Variants in MAGI1 observed in about 807,000 individuals in gnomAD.
MAGI1 encodes membrane associated guanylate kinase, WW and PDZ domain containing 1.
Under a neutral mutation model 139.9 loss-of-function variants are expected in MAGI1, and 58 were observed. The observed-to-expected ratio is 0.41, with a 90% CI of 0.34 to 0.52. MAGI1 has a LOEUF of 0.52. Among genes scored for constraint, MAGI1 ranks in the 20% least tolerant of loss-of-function variants. MAGI1 has a pLI of 0.12. For synonymous variants in MAGI1, 812 were observed against 737.9 expected, an observed-to-expected ratio of 1.10 and a Z score of -1.63; for missense variants, 1,874 against 1,901.6, an observed-to-expected ratio of 0.99 and a Z score of 0.27.
chr3:65,878,123 A>C (rs1400207031), intron 1 of MAGI1, among the ~76,000 whole-genome samples: 6 of 151,356 alleles, frequency 4.0e-5, no homozygotes, highest in African/African-American at 1.5e-4. Flanking sequence ...AAAAAAAAGG[A>C]AAAAAAACAC....
At chr3:65,910,675 CCCAA>C (rs2061622615) in intron 1 of MAGI1, among the ~76,000 whole-genome samples, 1 of 151,840 alleles carries the variant, frequency 6.6e-6, no homozygotes, top group Non-Finnish European at 1.5e-5. Context: ...AACGAGTGCC[CCCAA>C]CCTCCATCAA....
chr3:65,498,790 C>A (rs1211087425), intron 2 of MAGI1, among the ~76,000 whole-genome samples: 2 of 152,132 alleles, frequency 1.3e-5, no homozygotes, highest in Non-Finnish European at 2.9e-5. Flanking sequence ...CCCCTAGCCA[C>A]ATGTAGCTAT....
chr3:65,727,263 A>G (rs1183881438), intron 1 of MAGI1, among the ~76,000 whole-genome samples: 1 of 152,252 alleles, frequency 6.6e-6, no homozygotes, highest in African/African-American at 2.4e-5. Context: ...GAATTTTACC[A>G]GAGTTAGGAA....
chr3:65,545,257 G>A (rs986041949), intron 2 of MAGI1, among the ~76,000 whole-genome samples: 1 of 152,122 alleles, frequency 6.6e-6, no homozygotes, highest in Non-Finnish European at 1.5e-5. Flanking sequence ...TGGGGGCAAA[G>A]GTGAAGTGGC....
chr3:65,602,618 G>T (rs1405007380), intron 2 of MAGI1, among the ~76,000 whole-genome samples: 1 of 151,996 alleles, frequency 6.6e-6, no homozygotes, highest in Non-Finnish European at 1.5e-5. Flanking sequence ...TAATTTTGTG[G>T]TGACAGTTGT....
chr3:65,818,108 T>G (rs2041726557), intron 1 of MAGI1, among the ~76,000 whole-genome samples: 1 of 151,960 alleles, frequency 6.6e-6, no homozygotes, highest in Non-Finnish European at 1.5e-5. Context: ...AGAATTATTT[T>G]TAAATCTGCA....
chr3:65,501,002 A>AG (rs1035799944), intron 2 of MAGI1, among the ~76,000 whole-genome samples: 4 of 152,224 alleles, frequency 2.6e-5, no homozygotes, highest in Admixed American at 6.5e-5. Flanking sequence ...TGATAGAGCT[A>AG]GAGCACAGTA....
chr3:65,541,398 G>C (rs999461239), intron 2 of MAGI1, among the ~76,000 whole-genome samples: 2 of 152,066 alleles, frequency 1.3e-5, no homozygotes, highest in Non-Finnish European at 2.9e-5. Context: ...AGAAAAAGAG[G>C]GACTCCTCCC....
intron 1 of MAGI1, among the ~76,000 whole-genome samples, chr3:65,928,367 G>A (rs1205687528): frequency 3.3e-5 from 5 of 152,210 alleles, no homozygotes; most frequent in Admixed American, 2.6e-4. Context: ...CACTTGCTCT[G>A]AGAACTTGAG....
intron 5 of MAGI1, among the ~76,000 whole-genome samples, chr3:65,465,093 T>C (rs1463058443): frequency 6.6e-6 from 1 of 150,602 alleles, no homozygotes; most frequent in Non-Finnish European, 1.5e-5. Flanking sequence ...TCTCCATTGA[T>C]ATTCTTTTAC....
chr3:65,871,363 C>CTT (rs2059933811), intron 1 of MAGI1, among the ~76,000 whole-genome samples: 1 of 152,176 alleles, frequency 6.6e-6, no homozygotes, highest in African/African-American at 2.4e-5. Context: ...TGCATGCACT[C>CTT]TTTCTTCATG....
intron 1 of MAGI1, among the ~76,000 whole-genome samples, chr3:66,020,165 C>A (rs565046399): frequency 3.1e-4 from 47 of 152,302 alleles, no homozygotes; most frequent in African/African-American, 1.0e-3. Context: ...CTTGGCCGGG[C>A]GCAGTGGCTC....
At chr3:65,442,417 G>A (rs1253612576) in intron 8 of MAGI1, among the ~76,000 whole-genome samples, 5 of 152,036 alleles carry the variant, frequency 3.3e-5, no homozygotes, top group Admixed American at 2.0e-4. Flanking sequence ...AAAAGTAGAC[G>A]AATCAGATAC....
At chr3:65,641,522 T>C (rs1056540330) in intron 1 of MAGI1, among the ~76,000 whole-genome samples, 3 of 152,206 alleles carry the variant, frequency 2.0e-5, no homozygotes, top group African/African-American at 7.2e-5. Flanking sequence ...GATTCACTAA[T>C]TGTCAAAATA....
intron 1 of MAGI1, among the ~76,000 whole-genome samples, chr3:65,788,876 A>T (rs2039568710): frequency 1.3e-5 from 2 of 152,194 alleles, no homozygotes; most frequent in African/African-American, 4.8e-5. Context: ...AACAAACAAA[A>T]AATTAAAAAT....
chr3:65,477,614 T>C (rs747858359), intron 4 of MAGI1, among the ~76,000 whole-genome samples: 68 of 152,142 alleles, frequency 4.5e-4, no homozygotes, highest in Non-Finnish European at 7.9e-4. Flanking sequence ...GGAGTTACTA[T>C]GTAAGGTCAA....
chr3:65,521,589 G>A (rs1559634021), intron 2 of MAGI1, among the ~76,000 whole-genome samples: 1 of 152,070 alleles, frequency 6.6e-6, no homozygotes, highest in African/African-American at 2.4e-5. Flanking sequence ...AATATTCATG[G>A]ACAATGAAAA....
At chr3:65,859,260 G>A (rs2059468231) in intron 1 of MAGI1, among the ~76,000 whole-genome samples, 1 of 151,862 alleles carries the variant, frequency 6.6e-6, no homozygotes, top group Non-Finnish European at 1.5e-5. Flanking sequence ...TTGAACCCAG[G>A]AGGTACCTGG....
At chr3:65,365,326 A>G (rs986269105) in intron 18 of MAGI1, 32 of 397,530 alleles carry the variant, frequency 8.0e-5, no homozygotes, top group Non-Finnish European at 1.2e-4. Flanking sequence ...TTAAAGTCTG[A>G]TAATTAATGT....
Sources: gnomAD v4.1 joint callset for allele counts (sites outside exome capture counted in the v4.1 genomes callset) on GRCh38, gnomAD v4.1.1 for gene constraint, MANE v1.5 for transcripts, NCBI Gene and HGNC (gene_info 2026-07-23, HGNC 2026-07-21) for gene names.